The following CTNND2 variants were observed in gnomAD, a reference collection of about 807,000 sequenced individuals.
CTNND2 encodes the protein catenin delta 2, also known as catenin delta-2.
A neutral mutation model predicts 144.4 loss-of-function variants in CTNND2; 22 were observed. The observed-to-expected ratio is 0.15, with a 90% CI of 0.11 to 0.22. CTNND2 has a LOEUF of 0.22. CTNND2 is among the 10% of genes least tolerant of loss of function. CTNND2 has a pLI of 1.00. For synonymous variants in CTNND2, 751 were observed against 695.6 expected, an observed-to-expected ratio of 1.08 and a Z score of -1.25; for missense variants, 1,353 against 1,618.8, an observed-to-expected ratio of 0.84 and a Z score of 2.82.
At chr5:11,822,752 G>A (rs1793383598) in intron 1 of CTNND2, among the ~76,000 whole-genome samples, 1 of 152,046 alleles carries the variant, frequency 6.6e-6, no homozygotes, top group Admixed American at 6.5e-5. Context: ...AGGATATAAA[G>A]ACCTGAGTCC....
intron 1 of CTNND2, among the ~76,000 whole-genome samples, chr5:11,811,777 C>T (rs961536152): frequency 2.0e-5 from 3 of 152,150 alleles, no homozygotes; most frequent in Non-Finnish European, 4.4e-5. Flanking sequence ...TTTATAATGT[C>T]CAGCTTGGCA....
At chr5:11,405,945 T>C (rs1401150891) in intron 5 of CTNND2, among the ~76,000 whole-genome samples, 1 of 152,036 alleles carries the variant, frequency 6.6e-6, no homozygotes, top group Non-Finnish European at 1.5e-5. Context: ...GGTCAGGAGT[T>C]CAACACCAGC....
At chr5:11,187,139 G>A (rs1029350826) in intron 11 of CTNND2, among the ~76,000 whole-genome samples, 10 of 152,236 alleles carry the variant, frequency 6.6e-5, no homozygotes, top group Admixed American at 2.6e-4. Context: ...CCTACTCTGT[G>A]ACAAAGGTAA....
At chr5:11,479,458 A>C (rs1345262114) in intron 3 of CTNND2, among the ~76,000 whole-genome samples, 1 of 152,244 alleles carries the variant, frequency 6.6e-6, no homozygotes, top group Non-Finnish European at 1.5e-5. Flanking sequence ...TGCAATGAAC[A>C]TACACATGCA....
intron 16 of CTNND2, among the ~76,000 whole-genome samples, chr5:11,046,824 TAAAAC>T (rs532384218): frequency 8.2e-4 from 124 of 152,030 alleles, no homozygotes; most frequent in African/African-American, 1.9e-3. Context: ...CCAAATCTGT[TAAAAC>T]AAAACAAAAC....
intron 10 of CTNND2, among the ~76,000 whole-genome samples, chr5:11,221,796 G>T (rs1197085269): frequency 6.6e-6 from 1 of 152,176 alleles, no homozygotes; most frequent in African/African-American, 2.4e-5. Context: ...TGGAAACAAG[G>T]CCTGAGCGTG....
intron 3 of CTNND2, among the ~76,000 whole-genome samples, chr5:11,470,996 T>A (rs1767170418): frequency 1.0e-5 from 1 of 97,586 alleles, no homozygotes. Context: ...TTTTTTTTTT[T>A]AGATGGAGTC....
intron 16 of CTNND2, among the ~76,000 whole-genome samples, chr5:11,075,512 A>C (rs1456478584): frequency 1.3e-5 from 2 of 152,238 alleles, no homozygotes; most frequent in African/African-American, 4.8e-5. Context: ...GCAAACTGGG[A>C]AAGGGCCAGG....
At chr5:11,415,421 T>C (rs1358904481) in intron 3 of CTNND2, among the ~76,000 whole-genome samples, 2 of 152,068 alleles carry the variant, frequency 1.3e-5, no homozygotes, top group Admixed American at 6.6e-5. Flanking sequence ...CTGGGCAACA[T>C]AGCAAGACCT....
intron 21 of CTNND2, among the ~76,000 whole-genome samples, chr5:10,977,054 A>G (rs543822100): frequency 2.3e-4 from 35 of 152,304 alleles, no homozygotes; most frequent in African/African-American, 7.5e-4. Flanking sequence ...CCCTTTGGGG[A>G]ATTCTGGCTC....
At chr5:11,038,281 AGCGAGAATTAC>A (rs1744299731) in intron 16 of CTNND2, among the ~76,000 whole-genome samples, 4 of 152,184 alleles carry the variant, frequency 2.6e-5, no homozygotes, top group Non-Finnish European at 5.9e-5. Context: ...GCAGCAGGTG[AGCGAGAATTAC>A]AGCCTGAGCT....
At chr5:11,501,310 G>A (rs1431917875) in intron 3 of CTNND2, among the ~76,000 whole-genome samples, 2 of 152,214 alleles carry the variant, frequency 1.3e-5, no homozygotes, top group Non-Finnish European at 2.9e-5. Flanking sequence ...CAAGACAGGA[G>A]CCTTCAGGAT....
At chr5:11,348,636 G>A (rs1755040132) in intron 8 of CTNND2, among the ~76,000 whole-genome samples, 1 of 151,656 alleles carries the variant, frequency 6.6e-6, no homozygotes, top group Non-Finnish European at 1.5e-5. Flanking sequence ...CAGAGATCAG[G>A]AAATAATATT....
In CTNND2 at chr5:11,471,603, T is replaced by C. The variant is rs148342160; in HGVS notation, c.288-59534A>G. Reference sequence around the variant, plus strand: ...CAAATTGAGAGCACTTGATACTAATTAGTGTGTCCTCTCTATCTGACAGGC... The same window carrying C: ...CAAATTGAGAGCACTTGATACTAATCAGTGTGTCCTCTCTATCTGACAGGC... On this transcript the variant is annotated intron_variant, in intron 3 of 21. Coordinates refer to ENST00000304623, the MANE Select transcript of CTNND2 (RefSeq NM_001332.4). Among the ~76,000 whole-genome samples the C allele has an allele frequency of 4.2e-3, 647 of 152,316 alleles. 2 individuals carry two copies. Among genetic ancestry groups the C allele is most frequent in the African/African-American group, 0.011 (468 of 41,570 alleles).
At chr5:11,225,233 T>C (rs1500155) in intron 10 of CTNND2, among the ~76,000 whole-genome samples, 36,373 of 152,160 alleles carry the variant, frequency 0.24, 4,526 homozygotes, top group Middle Eastern at 0.33. Flanking sequence ...ACGCATGTTC[T>C]AAGTCAGCCA....
intron 16 of CTNND2, among the ~76,000 whole-genome samples, chr5:11,051,333 G>C (rs1028223510): frequency 6.6e-6 from 1 of 152,182 alleles, no homozygotes; most frequent in African/African-American, 2.4e-5. Flanking sequence ...TCAGAATTTG[G>C]CTGGGGCAAT....
At chr5:11,727,957 T>G (rs764156554) in intron 2 of CTNND2, among the ~76,000 whole-genome samples, 5 of 152,234 alleles carry the variant, frequency 3.3e-5, no homozygotes, top group Non-Finnish European at 5.9e-5. Flanking sequence ...TATAATGAAC[T>G]TCTTCCAAAT....
intron 2 of CTNND2, among the ~76,000 whole-genome samples, chr5:11,722,709 G>A (rs969575644): frequency 2.7e-4 from 41 of 152,144 alleles, no homozygotes; most frequent in Admixed American, 9.8e-4. Context: ...AATCTTGTGA[G>A]AACTCACTCA....
intron 8 of CTNND2, among the ~76,000 whole-genome samples, chr5:11,361,032 T>C (rs190706277): frequency 6.6e-6 from 1 of 152,302 alleles, no homozygotes; most frequent in East Asian, 1.9e-4. Context: ...TATTTATTTA[T>C]TTATTTAGAT....
Sources: gnomAD v4.1 joint callset for allele counts (sites outside exome capture counted in the v4.1 genomes callset) on GRCh38, gnomAD v4.1.1 for gene constraint, MANE v1.5 for transcripts, NCBI Gene and HGNC (gene_info 2026-07-23, HGNC 2026-07-21) for gene names.